Variants in SETD2 observed in about 807,000 individuals in gnomAD.
SETD2 encodes SET domain containing 2, histone lysine methyltransferase, also known as histone-lysine N-methyltransferase SETD2.
In SETD2, 31 loss-of-function variants were observed where a neutral mutation model predicts 242.1. That is an observed-to-expected ratio of 0.13 (90% CI 0.10 to 0.17). The LOEUF (loss-of-function observed/expected upper bound fraction) is 0.17, where lower values mean the gene tolerates loss of function less well. SETD2 is among the 10% of genes least tolerant of loss of function. SETD2 has a pLI of 1.00. For synonymous variants in SETD2, 1,006 were observed against 1,066.5 expected (o/e 0.94, Z 1.11); for missense variants, 2,481 against 3,046.3 (o/e 0.81, Z 4.37).
At chr3:47,139,736 A>T (rs1308503897) in intron 1 of SETD2, among the ~76,000 whole-genome samples, 1 of 151,326 alleles carries the variant, frequency 6.6e-6, no homozygotes, top group Non-Finnish European at 1.5e-5. Flanking sequence ...CAAGTGAATT[A>T]AAAAAAAACA....
chr3:47,159,067 C>CA (rs1482260413), intron 1 of SETD2, among the ~76,000 whole-genome samples: 4 of 151,952 alleles, frequency 2.6e-5, no homozygotes, highest in Non-Finnish European at 4.4e-5. Flanking sequence ...GGCTTGAGCC[C>CA]AGGCTGAAGA....
In SETD2 at chr3:47,056,337, G is replaced by A. The variant is rs113734465; in HGVS notation, c.6963+484C>T. 9.5e-3 allele frequency among the ~76,000 whole-genome samples: 1,440 copies of A among 151,860 alleles called. 32 individuals carry two copies. Among genetic ancestry groups the A allele is most frequent in the African/African-American group, 0.033 (1,355 of 41,392 alleles). ...AGATGGGGTTTCACCATGTTGGCCC[G>A]GCTGATCTCAAACTCCTGACTTCAG... On this transcript the variant is annotated intron_variant, in intron 15 of 20. Transcript: ENST00000409792.
chr3:47,031,027 C>G (rs917119096), intron 18 of SETD2, among the ~76,000 whole-genome samples: 1 of 152,140 alleles, frequency 6.6e-6, no homozygotes, highest in African/African-American at 2.4e-5. Flanking sequence ...ATATGACATT[C>G]TGGAAAAAGC....
intron 8 of SETD2, among the ~76,000 whole-genome samples, chr3:47,098,800 A>AAAT (rs1038874907): frequency 2.4e-4 from 36 of 152,062 alleles, no homozygotes; most frequent in Non-Finnish European, 3.5e-4. Flanking sequence ...TGTCTCAAAA[A>AAAT]AATAATAATA....
chr3:47,162,518 A>C (rs757077122), intron 1 of SETD2, among the ~76,000 whole-genome samples: 3 of 152,246 alleles, frequency 2.0e-5, no homozygotes, highest in Non-Finnish European at 4.4e-5. Flanking sequence ...ATAATGATTT[A>C]TCTTGTTGTG....
rs769535379 is a variant in SETD2, at chr3:47,123,461, G to A, written c.1175C>T (p.Ser392Phe). The A allele has an allele frequency of 4.5e-6, 7 of 1,551,126 alleles. No individual in the cohort carries two copies. The African/African-American group carries it at 8.2e-5, about 18-fold the overall frequency. The part of the protein sequence containing the change: ...KLERDTRYVS[S>F]RCRSERERRR... ...TCGCTCTCTTTCTGATCTACATCGG[G>A]AAGATACATACCGAGTATCTCTTTC... is the stretch of plus-strand genomic sequence containing the variant. The change falls in exon 3 of 21, where the codon TCC becomes TTC. Residue 392 changes from serine (S) to phenylalanine (F), a missense_variant. Around this residue, in one of 17 missense-constraint regions of SETD2, gnomAD observed 1,300 missense variants for 1,259.2 expected, o/e 1.03. Coordinates refer to ENST00000409792, the MANE Select transcript of SETD2 (RefSeq NM_014159.7).
Position 47,111,787 on chromosome 3 carries a change from T to C in SETD2, c.4715+2089A>G, listed in dbSNP as rs143042892. On this transcript the variant is annotated intron_variant, in intron 5 of 20. Coordinates refer to ENST00000409792, the MANE Select transcript of SETD2 (RefSeq NM_014159.7). ...AGAACAATTTGCTTATCAAAAGATA[T>C]ATGAGGATTCCTGTCATAAAACTAA... Among the ~76,000 whole-genome samples the C allele has an allele frequency of 5.3e-3, 796 of 150,828 alleles. 8 individuals carry two copies. The highest frequency in any genetic ancestry group is 0.019 in the African/African-American group (762 of 41,182).
intron 15 of SETD2, among the ~76,000 whole-genome samples, chr3:47,049,916 A>AT (rs1396367851): frequency 7.6e-6 from 1 of 131,774 alleles, no homozygotes; most frequent in African/African-American, 2.8e-5. Flanking sequence ...TTCTGAATTT[A>AT]TATATTATAT....
intron 9 of SETD2, among the ~76,000 whole-genome samples, chr3:47,097,563 A>G (rs2042055722): frequency 6.6e-6 from 1 of 152,158 alleles, no homozygotes; most frequent in Admixed American, 6.5e-5. Context: ...CTTTTCTCAC[A>G]CTCAAAAGAG....
rs1015635182 is a variant in SETD2 at position 47,099,996 on chromosome 3, CAG to C, written c.5015+1460_5015+1461del. ...TGTTTTTGTTTTGTTTTTTTCGAGA[CAG>C]AGTCTTTCTCTGTGCCCAGGCTGGA... On this transcript the variant is annotated intron_variant, in intron 8 of 20. Transcript: ENST00000409792. Among the ~76,000 whole-genome samples, 14 of 148,248 alleles carry C rather than the reference CAG, an allele frequency of 9.4e-5. No individual in the cohort carries two copies. The South Asian group carries it at 1.3e-3, about 14-fold the overall frequency.
At chr3:47,089,836 G>A (rs1259179955) in intron 9 of SETD2, among the ~76,000 whole-genome samples, 1 of 152,088 alleles carries the variant, frequency 6.6e-6, no homozygotes, top group African/African-American at 2.4e-5. Context: ...AAGAGGAAAG[G>A]GTAAGCAAAG....
chr3:47,105,405 A>T (rs1173939478), intron 6 of SETD2, among the ~76,000 whole-genome samples: 3 of 100,108 alleles, frequency 3.0e-5, no homozygotes, highest in African/African-American at 4.5e-5. Flanking sequence ...GCAAGACACT[A>T]TCTCTAAAAA....
At chr3:47,105,265 C>T (rs1215294591) in intron 6 of SETD2, among the ~76,000 whole-genome samples, 1 of 151,756 alleles carries the variant, frequency 6.6e-6, no homozygotes, top group Non-Finnish European at 1.5e-5. Flanking sequence ...CAAAAATTAG[C>T]TGGGCATGAT....
upstream of SETD2, among the ~76,000 whole-genome samples, chr3:47,164,826 C>G (rs1047811149): frequency 2.0e-5 from 3 of 152,222 alleles, no homozygotes. The surrounding 1 kb of genome is among the most constrained non-coding windows in gnomAD (Gnocchi z 5.4). Flanking sequence ...CGCTCTGCCC[C>G]CACCCGAAGT....
chr3:47,070,776 T>C (rs1307833391), intron 12 of SETD2, among the ~76,000 whole-genome samples: 1 of 152,240 alleles, frequency 6.6e-6, no homozygotes, highest in African/African-American at 2.4e-5. Context: ...ATGATAATTA[T>C]ATGATCTGCC....
At chr3:47,059,067 C>T (rs1261951263) in intron 14 of SETD2, among the ~76,000 whole-genome samples, 1 of 151,054 alleles carries the variant, frequency 6.6e-6, no homozygotes, top group Non-Finnish European at 1.5e-5. Flanking sequence ...CTTCAACCTC[C>T]CAAAGTGCTG....
At chr3:47,101,894 C>T (rs1197087502) in intron 7 of SETD2, among the ~76,000 whole-genome samples, 5 of 152,004 alleles carry the variant, frequency 3.3e-5, no homozygotes, top group Non-Finnish European at 1.5e-5. Flanking sequence ...TTCACTTGTA[C>T]TAAAAATTGG....
At chr3:47,025,363 T>C (rs1466529443) in intron 18 of SETD2, among the ~76,000 whole-genome samples, 1 of 152,132 alleles carries the variant, frequency 6.6e-6, no homozygotes, top group Non-Finnish European at 1.5e-5. Context: ...CTATTAACAC[T>C]CTCCAATTTG....
intron 1 of SETD2, among the ~76,000 whole-genome samples, chr3:47,130,914 A>T (rs985104434): frequency 6.6e-6 from 1 of 152,178 alleles, no homozygotes; most frequent in African/African-American, 2.4e-5. Flanking sequence ...CACATGGTAT[A>T]TATAGAAAAA....
Sources: gnomAD v4.1 joint callset for allele counts (sites outside exome capture counted in the v4.1 genomes callset) on GRCh38, gnomAD v4.1.1 for gene constraint, gnomAD v4.1.1 regional missense constraint, Gnocchi (gnomAD v3.1) non-coding constraint, MANE v1.5 for transcripts, NCBI Gene and HGNC (gene_info 2026-07-23, HGNC 2026-07-21) for gene names.